FLCN: variants seen among roughly 807,000 people sequenced by gnomAD.
FLCN encodes the protein folliculin, also known as BHD skin lesion fibrofolliculoma protein.
A neutral mutation model predicts 62.5 loss-of-function variants in FLCN; 22 were observed. That is an observed-to-expected ratio of 0.35 (90% CI 0.25 to 0.50). The LOEUF (loss-of-function observed/expected upper bound fraction) is 0.50, where lower values mean the gene tolerates loss of function less well. Ranked by LOEUF, FLCN falls within the 20% of genes least tolerant of loss-of-function variation. The pLI, the probability that FLCN is intolerant of heterozygous loss-of-function variation, is 0.97. For missense variants in FLCN, 657 were observed against 778.0 expected, an observed-to-expected ratio of 0.84 and a Z score of 1.85; for synonymous variants, 319 against 310.0, an observed-to-expected ratio of 1.03 and a Z score of -0.30.
At chr17:17,214,408 A>G (rs1028882031) in intron 13 of FLCN, among the ~76,000 whole-genome samples, 1 of 152,110 alleles carries the variant, frequency 6.6e-6, no homozygotes, top group Admixed American at 6.6e-5. Flanking sequence ...AGCCTGGCCA[A>G]CATGCTAAAA....
At chr17:17,223,800 C>T in intron 6 of FLCN, 122 bp downstream of exon 6, 2 of 979,600 alleles carry the variant, frequency 2.0e-6, no homozygotes, top group African/African-American at 3.2e-5. Context: ...ACAATTCACA[C>T]AGTGCACTGG....
In FLCN at chr17:17,221,598, G is replaced by T. The variant is rs372342796; in HGVS notation, c.810C>A (p.Thr270=). ...TCGGAGCACCTTCCAGGAGCTTCTC[G>T]GTCAGCCGGCTGCCACACGCCTTCA... ...WLLKACGSRL[T]EKLLEGAPTE... is the part of the protein sequence containing the mutation. The change falls in exon 8 of 14, where the codon ACC becomes ACA. Residue 270 remains threonine (T), a synonymous_variant. Coordinates refer to ENST00000285071, the MANE Select transcript of FLCN (RefSeq NM_144997.7). 5 of 1,609,910 alleles carry T rather than the reference G, an allele frequency of 3.1e-6. No homozygotes were observed. In the East Asian group the frequency reaches 6.7e-5, roughly 22 times the overall value.
intron 5 of FLCN, chr17:17,225,498 G>A (rs1342531232): frequency 6.5e-6 from 1 of 154,448 alleles, no homozygotes; most frequent in Non-Finnish European, 1.4e-5. Context: ...AAATCACAAG[G>A]TCAGGAGTTC....
At chr17:17,225,860 G>A (rs1343041497) in intron 5 of FLCN, 2 of 427,664 alleles carry the variant, frequency 4.7e-6, no homozygotes, top group East Asian at 5.1e-5. Context: ...CAGTCTGGAC[G>A]ACAGAGCGAG....
At position 17,232,809 on chromosome 17, in the gene FLCN, C is replaced by T. The variant is rs2047462212; in HGVS notation, c.-135G>A. 6.5e-6 allele frequency: 1 copy of T among 152,734 alleles called. No homozygotes were observed. The highest frequency in any genetic ancestry group is 6.5e-5 in the Admixed American group (1 of 15,280). The allele number at this position is 152,734 out of a possible 1,614,324, so 9.5% of individuals were successfully genotyped here. On this transcript the variant is annotated 5_prime_UTR_variant, in exon 2 of 14. Transcript: ENST00000285071. ...TAACCTGACACTCAGCAGAATCACG[C>T]TTCCACCGTCCACACCAGACCACCA...
At chr17:17,227,338 C>CT (rs2047281969) in intron 4 of FLCN, among the ~76,000 whole-genome samples, 1 of 151,592 alleles carries the variant, frequency 6.6e-6, no homozygotes, top group Admixed American at 6.6e-5. Flanking sequence ...GAGCACGGGA[C>CT]TTTGGGGACC....
chr17:17,217,514 A>C (rs951149082), intron 9 of FLCN: 5 of 380,966 alleles, frequency 1.3e-5, no homozygotes, highest in African/African-American at 4.2e-5. Context: ...ACCATTTGAA[A>C]GCAAGCTGTA....
chr17:17,233,591 T>TC (rs1277616005), intron 1 of FLCN, among the ~76,000 whole-genome samples: 9 of 56,026 alleles, frequency 1.6e-4, no homozygotes, highest in Non-Finnish European at 2.8e-4. Flanking sequence ...ACAGCAAGAC[T>TC]CCATCTCAAA....
intron 8 of FLCN, chr17:17,221,239 A>G: frequency 2.0e-6 from 3 of 1,535,696 alleles, no homozygotes; most frequent in Middle Eastern, 3.4e-4. Context: ...GCTATCACAA[A>G]ATCGGGACGA....
intron 3 of FLCN, among the ~76,000 whole-genome samples, chr17:17,229,759 A>T (rs1304130104): frequency 6.6e-6 from 1 of 152,210 alleles, no homozygotes; most frequent in East Asian, 1.9e-4. Flanking sequence ...TTTCCGGTGG[A>T]GAAAAAGCTC....
In FLCN at chr17:17,229,942, C is replaced by G. The variant is rs191685339; in HGVS notation, c.-24-1781G>C. Among the ~76,000 whole-genome samples, 86 of 152,190 alleles carry G rather than the reference C, an allele frequency of 5.7e-4. 1 individual carries two copies. The highest frequency in any genetic ancestry group is 5.2e-4 in the Admixed American group (8 of 15,276). ...AGCTGCAGGCACAAAGTCTGAGGGACACCAAGCACTCATTGCAGAGGGATG... is the reference window on the plus strand; with the variant it reads ...AGCTGCAGGCACAAAGTCTGAGGGAGACCAAGCACTCATTGCAGAGGGATG... On this transcript the variant is annotated intron_variant, in intron 3 of 13. Transcript: ENST00000285071.
chr17:17,224,039 C>G lies in FLCN; in HGVS notation c.501G>C (p.Gln167His), dbSNP rs772775816. The change falls in exon 6 of 14, where the codon CAG (glutamine) becomes CAC (histidine). Residue 167 changes from glutamine (Q) to histidine (H), a missense_variant. By Grantham distance (24) the Gln-to-His change is conservative. Transcript: ENST00000285071. Reference sequence around the variant, plus strand: ...TGATGGTGATGATGCTGTACCAGCGCTGGAAGCCCCTGGCCAGGCTGTCCT... The same window carrying G: ...TGATGGTGATGATGCTGTACCAGCGGTGGAAGCCCCTGGCCAGGCTGTCCT... ...FIKDSLARGF[Q>H]RWYSIITIMM... 15 of 1,613,754 alleles carry G rather than the reference C, an allele frequency of 9.3e-6. No homozygotes were observed. The highest frequency in any genetic ancestry group is 1.3e-5 in the Non-Finnish European group (15 of 1,180,040).
At chr17:17,217,520 C>A (rs2046963683) in intron 9 of FLCN, 5 of 375,802 alleles carry the variant, frequency 1.3e-5, no homozygotes, top group South Asian at 8.6e-5. Context: ...TGAAAGCAAG[C>A]TGTAGGGCCC....
At position 17,221,543 on chromosome 17, in the gene FLCN, G is replaced by C; in HGVS notation, c.865C>G (p.Leu289Val). ...AACAGCACCCCTGCCTCACCAGCGA[G>C]CTTCTCCATCTGGACCAAGGTATCC... ...TEDTLVQMEK[L>V]ADLEEESESW... Residue 289 changes from leucine to valine, a missense_variant, in exon 8 of 14, where the codon CTC becomes GTC. By Grantham distance (32) the Leu-to-Val change is conservative. Transcript: ENST00000285071. 6 of 1,613,304 alleles carry C rather than the reference G, an allele frequency of 3.7e-6. No homozygotes were observed. The highest frequency in any genetic ancestry group is 5.1e-6 in the Non-Finnish European group (6 of 1,180,018).
chr17:17,216,931 A>T lies in FLCN; in HGVS notation c.1176+138T>A. 1.4e-5 allele frequency: 10 copies of T among 725,858 alleles called. No individual in the cohort carries two copies. The South Asian group carries it at 1.5e-4, about 11-fold the overall frequency. 45.0% of individuals were successfully genotyped at this position (725,858 alleles called of 1,614,324 possible). On this transcript the variant is annotated intron_variant, in intron 10 of 13. Coordinates refer to ENST00000285071, the MANE Select transcript of FLCN (RefSeq NM_144997.7). This position sits in a 1 kb window ranked among gnomAD's most constrained non-coding sequence, Gnocchi z 4.0. ...AGACCAGACCCGGGTCTCCGTGCCC[A>T]CTGCGCCCCCAGTGGAGACCGTGTG...
chr17:17,213,743 T>C lies in FLCN; in HGVS notation c.1652A>G (p.Lys551Arg). The C allele has an allele frequency of 6.2e-7, 1 of 1,614,226 alleles. No homozygotes were observed. The highest frequency in any genetic ancestry group is 8.5e-7 in the Non-Finnish European group (1 of 1,180,036). Residue 551 changes from lysine (K) to arginine (R), a missense_variant, in exon 14 of 14, where the codon AAG becomes AGG. Coordinates refer to ENST00000285071, the MANE Select transcript of FLCN (RefSeq NM_144997.7). ...CTTGCTCAGGCCAGTCATCCAGAAC[T>C]TCAGCAGCTTGACATTGTCCTCCTC... ...ASEEDNVKLLKFWMTGLSKTY... is the reference protein window; with the variant it reads ...ASEEDNVKLLRFWMTGLSKTY...
At chr17:17,218,597 G>A (rs965430846) in intron 9 of FLCN, among the ~76,000 whole-genome samples, 4 of 151,964 alleles carry the variant, frequency 2.6e-5, no homozygotes, top group Admixed American at 2.0e-4. Context: ...GGCCAGGCTG[G>A]TCTCGAACTC....
rs184718358 is a variant in FLCN, at chr17:17,217,170, G to A, written c.1075C>T (p.Pro359Ser). The change falls in exon 10 of 14, where the codon CCT becomes TCT. Residue 359 changes from proline (P) to serine (S), a missense_variant. Pro to Ser is a moderately conservative substitution (Grantham distance 74). Transcript: ENST00000285071. ...TGCCAGGCCAGCATGCGGAAAGAAG[G>A]GGCACCCAGGACCTAAACAAGAGAG... The part of the protein sequence containing the change: ...LRHMRQVLGA[P>S]SFRMLAWHVL... The A allele has an allele frequency of 1.2e-6, 2 of 1,613,422 alleles. No homozygotes were observed. Among genetic ancestry groups the A allele is most frequent in the African/African-American group, 2.7e-5 (2 of 75,038 alleles).
intron 1 of FLCN, among the ~76,000 whole-genome samples, chr17:17,234,008 C>T (rs1013084525): frequency 6.6e-6 from 1 of 151,746 alleles, no homozygotes; most frequent in African/African-American, 2.4e-5. Context: ...CAGGCATGAG[C>T]CACTGCATCC....
Sources: gnomAD v4.1 joint callset for allele counts (sites outside exome capture counted in the v4.1 genomes callset) on GRCh38, gnomAD v4.1.1 for gene constraint, Gnocchi (gnomAD v3.1) non-coding constraint, MANE v1.5 for transcripts, NCBI Gene and HGNC (gene_info 2026-07-23, HGNC 2026-07-21) for gene names.